The following MUC4 variants were observed in gnomAD, a reference collection of about 807,000 sequenced individuals.
The protein encoded by MUC4 is mucin-4.
A neutral mutation model predicts 257.9 loss-of-function variants in MUC4; 202 were observed. The observed-to-expected ratio is 0.78, with a 90% CI of 0.70 to 0.88. MUC4 has a LOEUF of 0.88. Ranked by LOEUF, MUC4 falls within the 40% of genes least tolerant of loss-of-function variation. MUC4 has a pLI of 0.00. For synonymous variants in MUC4, 2,351 were observed against 2,757.1 expected, an observed-to-expected ratio of 0.85 and a Z score of 4.62; for missense variants, 5,976 against 6,513.7, an observed-to-expected ratio of 0.92 and a Z score of 2.84.
intron 7 of MUC4, among the ~76,000 whole-genome samples, chr3:195,767,504 C>CCACCACCACCAT (rs1720917637): frequency 7.3e-6 from 1 of 137,368 alleles, no homozygotes; most frequent in Admixed American, 7.3e-5. Flanking sequence ...ACCATCACCA[C>CCACCACCACCAT]CACCATCACC....
At chr3:195,801,030 A>G (rs1184509780) in intron 1 of MUC4, among the ~76,000 whole-genome samples, 1 of 152,236 alleles carries the variant, frequency 6.6e-6, no homozygotes, top group African/African-American at 2.4e-5. Flanking sequence ...AAATGATAGT[A>G]TCCACTCTTA....
At chr3:195,809,173 A>G (rs1403746437) in intron 1 of MUC4, among the ~76,000 whole-genome samples, 1 of 152,132 alleles carries the variant, frequency 6.6e-6, no homozygotes, top group Non-Finnish European at 1.5e-5. Flanking sequence ...GCTGTGCCTT[A>G]TCCTTTAACC....
In MUC4 at chr3:195,747,432, C is replaced by T. The variant is rs779926672; in HGVS notation, c.16035-52G>A. ...GGTCAGAGGCGGGAGCTCAGCCTCCCAGCCCCTCCTCTTCTGCTGGGGAAG... is the reference window on the plus strand; with the variant it reads ...GGTCAGAGGCGGGAGCTCAGCCTCCTAGCCCCTCCTCTTCTGCTGGGGAAG... On this transcript the variant is annotated intron_variant, in intron 24 of 24. Transcript: ENST00000463781. 19 of 1,569,274 alleles carry T rather than the reference C, an allele frequency of 1.2e-5. No homozygotes were observed. The African/African-American group carries it at 2.0e-4, about 17-fold the overall frequency.
rs755913693 is a variant in MUC4, at chr3:195,779,071, G to A, written c.12509C>T (p.Ser4170Phe). The change falls in exon 2 of 25, where the codon TCC (serine) becomes TTC (phenylalanine). Residue 4170 changes from serine to phenylalanine, a missense_variant. By Grantham distance (155) the Ser-to-Phe change is radical. This residue lies in a region of MUC4 where 293 missense variants were observed against 294.5 expected (regional missense o/e 1.00). Transcript: ENST00000463781. The part of the protein sequence containing the change: ...SLPVTDASSV[S>F]TGHGTPLPVT... ...AGGAAGAGGGGTGCCGTGACCTGTG[G>A]ACACTGAGGAAGCGTCGGTGACAGG... 173 of 1,256,016 alleles carry A rather than the reference G, an allele frequency of 1.4e-4. 57 individuals carry two copies. Among genetic ancestry groups the A allele is most frequent in the Non-Finnish European group, 1.7e-4 (166 of 948,906 alleles). The allele number at this position is 1,256,016 out of a possible 1,614,324, so 77.8% of individuals were successfully genotyped here.
chr3:195,788,639 A>G lies in MUC4; in HGVS notation c.2941T>C (p.Tyr981His), dbSNP rs147508192. The change falls in exon 2 of 25, where the codon TAC becomes CAC. Residue 981 changes from tyrosine to histidine, a missense_variant. Coordinates refer to ENST00000463781, the MANE Select transcript of MUC4 (RefSeq NM_018406.7). Reference sequence around the variant, plus strand: ...TGACCTGTGGATGCCGAGGAAGCGTAGGTGACAGGAAGAGGGGTGGCGTTG... The same window carrying G: ...TGACCTGTGGATGCCGAGGAAGCGTGGGTGACAGGAAGAGGGGTGGCGTTG... Reference protein sequence around the residue: ...ISNATPLPVTYASSASTGHTT... With the variant: ...ISNATPLPVTHASSASTGHTT... 8.8e-6 allele frequency: 13 copies of G among 1,485,340 alleles called. No homozygotes were observed. Among genetic ancestry groups the G allele is most frequent in the Non-Finnish European group, 1.2e-5 (13 of 1,104,162 alleles). 92.0% of individuals were successfully genotyped at this position (1,485,340 alleles called of 1,614,324 possible).
chr3:195,803,032 C>T (rs1188575036), intron 1 of MUC4, among the ~76,000 whole-genome samples: 1 of 152,162 alleles, frequency 6.6e-6, no homozygotes, highest in African/African-American at 2.4e-5. Flanking sequence ...TATACACTCC[C>T]TCCCTTTTCT....
At chr3:195,803,515 A>G (rs368416328) in intron 1 of MUC4, among the ~76,000 whole-genome samples, 2 of 152,256 alleles carry the variant, frequency 1.3e-5, no homozygotes, top group African/African-American at 4.8e-5. Flanking sequence ...CTTGTGATGA[A>G]CACACCAGGG....
chr3:195,811,656 CCGGACCTCTTTCTCTGA>C, intron 1 of MUC4, 63 bp downstream of exon 1: 1 of 1,285,288 alleles, frequency 7.8e-7, no homozygotes, highest in Non-Finnish European at 1.1e-6. Context: ...CTCTGTCTCC[CCGGACCTCTTTCTCTGA>C]CAGCTCCCAC....
At chr3:195,754,474 G>T in intron 18 of MUC4, 102 bp from the exon 19 acceptor site, 1 of 1,406,630 alleles carries the variant, frequency 7.1e-7, no homozygotes, top group Non-Finnish European at 9.5e-7. Context: ...CGTGGACCCT[G>T]AGTCATGTCT....
chr3:195,752,574 AAGTGG>A, intron 20 of MUC4, 128 bp from the exon 21 acceptor site: 1 of 758,020 alleles, frequency 1.3e-6, no homozygotes, highest in Non-Finnish European at 2.3e-6. Flanking sequence ...AAACCGGGAG[AAGTGG>A]CCCTCACCCT....
In MUC4 at chr3:195,762,213, T is replaced by C; in HGVS notation, c.14386A>G (p.Asn4796Asp). Residue 4796 changes from asparagine (N) to aspartate (D), a missense_variant, in exon 14 of 25, where the codon AAC becomes GAC. Asn to Asp is a conservative substitution (Grantham distance 23). Coordinates refer to ENST00000463781, the MANE Select transcript of MUC4 (RefSeq NM_018406.7). ...AAGCTGGCCGAGACCTCAGAGCCGT[T>C]GCGGCTCAGGAGGACTCCGGTGGCG... is the stretch of plus-strand genomic sequence containing the variant. The part of the protein sequence containing the change: ...FNATGVLLSR[N>D]GSEVSASFDG... 2 of 1,596,226 alleles carry C rather than the reference T, an allele frequency of 1.3e-6. No homozygotes were observed. Among genetic ancestry groups the C allele is most frequent in the Admixed American group, 1.7e-5 (1 of 57,922 alleles).
Position 195,783,065 on chromosome 3 carries a change from A to C in MUC4, c.8515T>G (p.Ser2839Ala). ...HATSLPVTIP[S>A]SASSGHTTPL... ...GTGGTGTGACCTGAGGATGCTGAGG[A>C]AGGGATGGTGACAGGAAGAGAGGTG... is the stretch of plus-strand genomic sequence containing the variant. The change falls in exon 2 of 25, where the codon TCC (serine) becomes GCC (alanine). Residue 2839 changes from serine (S) to alanine (A), a missense_variant. Coordinates refer to ENST00000463781, the MANE Select transcript of MUC4 (RefSeq NM_018406.7). 1.3e-6 allele frequency: 1 copy of C among 799,816 alleles called. No individual in the cohort carries two copies. The highest frequency in any genetic ancestry group is 1.8e-6 in the Non-Finnish European group (1 of 569,920). The allele number at this position is 799,816 out of a possible 1,614,324, so 49.5% of individuals were successfully genotyped here. A position where few individuals can be genotyped will look rare whatever the true frequency, so the allele number is the denominator to read the frequency against.
chr3:195,767,544 CACCATCACCATT>C (rs1247771704), intron 7 of MUC4, among the ~76,000 whole-genome samples: 1 of 123,964 alleles, frequency 8.1e-6, no homozygotes, highest in African/African-American at 4.2e-5. Context: ...CCACCATCAT[CACCATCACCATT>C]ACCATTGCCA....
At position 195,757,716 on chromosome 3, in the gene MUC4, G is replaced by A. The variant is rs994858488; in HGVS notation, c.14987-388C>T. On this transcript the variant is annotated intron_variant, in intron 17 of 24. Coordinates refer to ENST00000463781, the MANE Select transcript of MUC4 (RefSeq NM_018406.7). This position sits in a 1 kb window ranked among gnomAD's most constrained non-coding sequence, Gnocchi z 4.8. ...CCGGCCAAACTGGCTTCACTCTCAC[G>A]GCAGCCCCATCCTTTGCCCTGATTT... Among the ~76,000 whole-genome samples the A allele has an allele frequency of 1.3e-5, 2 of 152,038 alleles. No homozygotes were observed. Among genetic ancestry groups the A allele is most frequent in the South Asian group, 2.1e-4 (1 of 4,824 alleles).
chr3:195,751,394 C>A, intron 21 of MUC4, 123 bp from the exon 22 acceptor site: 1 of 728,620 alleles, frequency 1.4e-6, no homozygotes, highest in South Asian at 1.6e-5. Context: ...AGGACCCCAG[C>A]ACCTTCCTCA....
rs1728795085 is a variant in MUC4, at chr3:195,782,634, AGTGTCG to A, written c.8940_8945del (p.Asp2981_Thr2982del). 1.1e-6 allele frequency: 1 copy of A among 907,080 alleles called. No homozygotes were observed. The highest frequency in any genetic ancestry group is 1.7e-5 in the African/African-American group (1 of 58,124). The allele number at this position is 907,080 out of a possible 1,614,324, so 56.2% of individuals were successfully genotyped here. ...TGGCGTGACCTGTGGATGCTGAGGA[AGTGTCG>A]GTGTCAGGAAGAGGGGTGGCGTGAC... On this transcript the variant is annotated inframe_deletion, in exon 2 of 25. Transcript: ENST00000463781.
chr3:195,773,381 CAG>C (rs1723580810), intron 4 of MUC4, among the ~76,000 whole-genome samples: 1 of 150,550 alleles, frequency 6.6e-6, no homozygotes, highest in Non-Finnish European at 1.5e-5. Context: ...CTCCATCACT[CAG>C]GGGTGCAGAC....
rs1190139957 is a variant in MUC4 at position 195,790,782 on chromosome 3, C to T, written c.798G>A (p.Val266=). 1.2e-6 allele frequency: 2 copies of T among 1,613,874 alleles called. No individual in the cohort carries two copies. The highest frequency in any genetic ancestry group is 8.5e-7 in the Non-Finnish European group (1 of 1,179,872). The change falls in exon 2 of 25, where the codon GTG becomes GTA. Residue 266 remains valine, a synonymous_variant. Transcript: ENST00000463781. ...CAAGAGTGGAGCCTGTGGAGGTTGT[C>T]ACTGTTATCTTCTCTGATGTCATCA... The part of the protein sequence containing the change: ...TSMMTSEKIT[V]TTSTGSTLGN...
intron 7 of MUC4, among the ~76,000 whole-genome samples, chr3:195,767,823 C>T (rs1014161308): frequency 1.3e-3 from 125 of 98,538 alleles, no homozygotes; most frequent in South Asian, 1.8e-3. Context: ...ATCACCACCA[C>T]CACCACCATC....
Sources: allele counts gnomAD v4.1 joint callset (sites outside exome capture counted in the v4.1 genomes callset), GRCh38; gene constraint gnomAD v4.1.1; regional missense constraint gnomAD v4.1.1; non-coding constraint Gnocchi (gnomAD v3.1); transcripts MANE v1.5; gene names NCBI Gene and HGNC (gene_info 2026-07-23, HGNC 2026-07-21).